Variants in RBFOX1 observed in about 807,000 individuals in gnomAD.
RBFOX1 encodes the protein RNA binding protein fox-1 homolog 1.
Under a neutral mutation model 57.7 loss-of-function variants are expected in RBFOX1, and 8 were observed. The ratio of observed to expected loss-of-function variants is 0.14; its 90% CI spans 0.08 to 0.25. RBFOX1 has a LOEUF of 0.25. Among genes scored for constraint, RBFOX1 ranks in the 10% least tolerant of loss-of-function variants. The pLI, the probability that RBFOX1 is intolerant of heterozygous loss-of-function variation, is 1.00. For synonymous variants in RBFOX1, 326 were observed against 222.4 expected, an observed-to-expected ratio of 1.47 and a Z score of -4.15; for missense variants, 611 against 548.5, an observed-to-expected ratio of 1.11 and a Z score of -1.14.
At chr16:5,251,055 T>C (rs2062437130) in intron 1 of RBFOX1, among the ~76,000 whole-genome samples, 2 of 152,148 alleles carry the variant, frequency 1.3e-5, no homozygotes, top group Non-Finnish European at 2.9e-5. Context: ...TTCACACTAA[T>C]CTGCACCTCG....
chr16:5,640,183 G>A (rs1379625395), intron 3 of RBFOX1, among the ~76,000 whole-genome samples: 4 of 152,188 alleles, frequency 2.6e-5, no homozygotes, highest in African/African-American at 7.2e-5. Context: ...GAGCAGGACA[G>A]CATTGCTCTC....
intron 1 of RBFOX1, among the ~76,000 whole-genome samples, chr16:6,184,187 C>G (rs548698167): frequency 6.6e-6 from 1 of 152,250 alleles, no homozygotes; most frequent in Admixed American, 6.5e-5. Flanking sequence ...TACCTCCCAT[C>G]CGGCTTCTCC....
At chr16:5,724,554 C>G (rs1248125525) in intron 3 of RBFOX1, among the ~76,000 whole-genome samples, 4 of 152,178 alleles carry the variant, frequency 2.6e-5, no homozygotes, top group African/African-American at 7.2e-5. Context: ...CATCTGACAT[C>G]TCTTCCCTCA....
At chr16:6,605,498 G>A (rs906940379) in intron 2 of RBFOX1, among the ~76,000 whole-genome samples, 3 of 152,154 alleles carry the variant, frequency 2.0e-5, no homozygotes, top group African/African-American at 7.2e-5. Flanking sequence ...CCCAAAGAGA[G>A]AAATCAGAAA....
intron 11 of RBFOX1, among the ~76,000 whole-genome samples, chr16:7,631,210 C>T (rs1373925098): frequency 6.6e-6 from 1 of 152,038 alleles, no homozygotes; most frequent in Non-Finnish European, 1.5e-5. Context: ...AATGTGGTTC[C>T]CCCCTCATTT....
intron 4 of RBFOX1, among the ~76,000 whole-genome samples, chr16:7,401,499 T>C (rs145298591): frequency 6.6e-6 from 1 of 152,112 alleles, no homozygotes; most frequent in Non-Finnish European, 1.5e-5. Flanking sequence ...TCAAACAGAT[T>C]AGGTAGGTAA....
At chr16:7,097,998 C>T (rs574018735) in intron 4 of RBFOX1, among the ~76,000 whole-genome samples, 26 of 152,122 alleles carry the variant, frequency 1.7e-4, no homozygotes, top group African/African-American at 6.0e-4. Context: ...CAAGAATCTT[C>T]GAGGGCATTT....
At chr16:7,097,683 T>C (rs1454356560) in intron 4 of RBFOX1, among the ~76,000 whole-genome samples, 1 of 152,164 alleles carries the variant, frequency 6.6e-6, no homozygotes, top group Admixed American at 6.5e-5. Context: ...ATCTATATTT[T>C]CAAAGAAACC....
At chr16:7,340,181 A>G (rs762681276) in intron 4 of RBFOX1, among the ~76,000 whole-genome samples, 7 of 152,216 alleles carry the variant, frequency 4.6e-5, no homozygotes, top group Non-Finnish European at 7.3e-5. Flanking sequence ...GGGACCTCTT[A>G]CCAAAATGTG....
At chr16:6,396,845 A>T (rs965662182) in intron 2 of RBFOX1, among the ~76,000 whole-genome samples, 3 of 152,198 alleles carry the variant, frequency 2.0e-5, no homozygotes, top group African/African-American at 7.2e-5. Context: ...CAGCTGGTAT[A>T]AATGTGAATA....
chr16:7,433,663 CAG>C (rs1231639957), intron 4 of RBFOX1, among the ~76,000 whole-genome samples: 1 of 152,196 alleles, frequency 6.6e-6, no homozygotes, highest in African/African-American at 2.4e-5. Context: ...TCTACAGTAT[CAG>C]AGATAGAAAA....
rs143910699 is a variant in RBFOX1, at chr16:7,498,790, C to G, written c.28-19357C>G. Among the ~76,000 whole-genome samples the G allele has an allele frequency of 1.1e-3, 160 of 152,286 alleles. 3 individuals carry two copies. The South Asian group carries it at 0.013, about 13-fold the overall frequency. ...GTGAAACTACAATGCTTAAGCTGAT[C>G]TAGCAAGCTCTTAAAGCTCTCTGAC... On this transcript the variant is annotated intron_variant, in intron 4 of 15. Coordinates refer to ENST00000550418, the MANE Select transcript of RBFOX1 (RefSeq NM_018723.4).
intron 4 of RBFOX1, among the ~76,000 whole-genome samples, chr16:7,305,241 T>C (rs2096150672): frequency 6.6e-6 from 1 of 152,122 alleles, no homozygotes; most frequent in South Asian, 2.1e-4. Context: ...TTTGACACCT[T>C]ACTCTCTGTC....
At chr16:6,532,554 C>A (rs978401598) in intron 2 of RBFOX1, among the ~76,000 whole-genome samples, 2 of 152,116 alleles carry the variant, frequency 1.3e-5, no homozygotes, top group African/African-American at 4.8e-5. Context: ...TATTCATCTC[C>A]CTCATGCTGC....
intron 2 of RBFOX1, among the ~76,000 whole-genome samples, chr16:6,467,831 T>C (rs2095084883): frequency 6.6e-6 from 1 of 152,220 alleles, no homozygotes; most frequent in South Asian, 2.1e-4. Context: ...TACTCAAAAG[T>C]GGTTTCTATT....
intron 4 of RBFOX1, among the ~76,000 whole-genome samples, chr16:5,960,124 C>G (rs909966584): frequency 6.6e-6 from 1 of 152,142 alleles, no homozygotes; most frequent in African/African-American, 2.4e-5. Context: ...TTGCTTGAAC[C>G]CAAGTGGCGG....
At chr16:6,941,309 TC>T in intron 3 of RBFOX1, among the ~76,000 whole-genome samples, 1 of 33,568 alleles carries the variant, frequency 3.0e-5, no homozygotes, top group Non-Finnish European at 7.7e-5. Context: ...CCTCCTTCCT[TC>T]CTTCCTTCCT....
intron 3 of RBFOX1, among the ~76,000 whole-genome samples, chr16:6,702,759 A>G (rs1289203625): frequency 2.0e-5 from 3 of 152,218 alleles, no homozygotes; most frequent in African/African-American, 7.2e-5. Context: ...TTTTTTTGTT[A>G]TGGTAAAATA....
In RBFOX1 at chr16:5,542,002, T is replaced by A. The variant is rs1440648868; in HGVS notation, c.259-56900T>A. Among the ~76,000 whole-genome samples, 8 of 152,282 alleles carry A rather than the reference T, an allele frequency of 5.3e-5. No individual in the cohort carries two copies. The East Asian group carries it at 1.5e-3, about 29-fold the overall frequency. Reference sequence around the variant, plus strand: ...TGGTGCACCATCACCAGGGGCCTGTTTAAAGGAACTGCTGTTCACTTGCGA... The same window carrying A: ...TGGTGCACCATCACCAGGGGCCTGTATAAAGGAACTGCTGTTCACTTGCGA... On this transcript the variant is annotated intron_variant, in intron 2 of 2. Transcript: ENST00000585867.
Sources: gnomAD v4.1 joint callset for allele counts (sites outside exome capture counted in the v4.1 genomes callset) on GRCh38, gnomAD v4.1.1 for gene constraint, MANE v1.5 for transcripts, NCBI Gene and HGNC (gene_info 2026-07-23, HGNC 2026-07-21) for gene names.